The following ACKR5 variants were observed in gnomAD, a reference collection of about 807,000 sequenced individuals.
ACKR5 encodes atypical chemokine receptor 5, also known as G protein-coupled receptor 182.
At chr12:56,996,637 G>A in the ACKR5 span, 12 of 503,828 alleles carry the variant, frequency 2.4e-5, no homozygotes, top group Non-Finnish European at 3.2e-5. Context: ...TTGTGTCTAA[G>A]GAGCAATGCA....
At chr12:56,998,617 G>A in the ACKR5 span, among the ~76,000 whole-genome samples, 1 of 152,204 alleles carries the variant, frequency 6.6e-6, no homozygotes, top group African/African-American at 2.4e-5. Context: ...TCCTCTCAGG[G>A]ATACCCCCTG....
chr12:56,995,127 C>A, the ACKR5 span: 3 of 1,323,320 alleles, frequency 2.3e-6, no homozygotes, highest in African/African-American at 2.9e-5. The surrounding 1 kb of genome is among the most constrained non-coding windows in gnomAD (Gnocchi z 4.7). Context: ...TCCCTCTGGC[C>A]TCTACCTTGA....
chr12:56,996,508 G>A, the ACKR5 span: 4,156 of 1,248,794 alleles, frequency 3.3e-3, 97 homozygotes, highest in African/African-American at 0.051. Context: ...GTAGAGGGGA[G>A]GGTCAAAGCA....
chr12:56,996,280 C>G, the ACKR5 span: 5 of 1,614,066 alleles, frequency 3.1e-6, no homozygotes, highest in Admixed American at 5.0e-5. Flanking sequence ...CCTGTTCCAC[C>G]CAGCATTCCA....
At chr12:56,995,715 T>G in the ACKR5 span, 32 of 1,613,542 alleles carry the variant, frequency 2.0e-5, no homozygotes, top group Non-Finnish European at 2.6e-5. This position sits in a 1 kb window ranked among gnomAD's most constrained non-coding sequence, Gnocchi z 4.7. Context: ...CAGCACCGAG[T>G]GCGGCGGGCC....
chr12:56,997,595 T>C, the ACKR5 span: 1 of 152,224 alleles, frequency 6.6e-6, no homozygotes, highest in African/African-American at 2.4e-5. Context: ...ACTAGGACCC[T>C]GTCCATGAAG....
chr12:56,995,116 C>A, the ACKR5 span: 1 of 1,144,002 alleles, frequency 8.7e-7, no homozygotes, highest in Non-Finnish European at 1.3e-6. The surrounding 1 kb of genome is among the most constrained non-coding windows in gnomAD (Gnocchi z 4.7). Context: ...AAGCCCCCGA[C>A]TCCCTCTGGC....
chr12:56,995,440 C>A, the ACKR5 span: 2 of 1,614,228 alleles, frequency 1.2e-6, no homozygotes, highest in Non-Finnish European at 8.5e-7. This position sits in a 1 kb window ranked among gnomAD's most constrained non-coding sequence, Gnocchi z 4.7. Flanking sequence ...TGATATGCGT[C>A]AACTGGCGCG....
At chr12:56,994,988 C>T in the ACKR5 span, among the ~76,000 whole-genome samples, 2 of 152,108 alleles carry the variant, frequency 1.3e-5, no homozygotes, top group African/African-American at 2.4e-5. Context: ...CCAGCTGAAA[C>T]CCCTTAAGAA....
chr12:56,996,996 G>C, the ACKR5 span: 2 of 152,812 alleles, frequency 1.3e-5, 1 homozygote, highest in Middle Eastern at 6.8e-3. Context: ...GGCAGGGGTG[G>C]GGGCGAAGCC....
At chr12:56,998,572 C>T in the ACKR5 span, 1 of 152,248 alleles carries the variant, frequency 6.6e-6, no homozygotes, top group Non-Finnish European at 1.5e-5. Context: ...TAGACACGGG[C>T]AGGGACCCAC....
the ACKR5 span, chr12:56,996,746 G>A: frequency 3.4e-6 from 1 of 290,092 alleles, no homozygotes; most frequent in South Asian, 9.0e-5. Context: ...TGAGGCTAAA[G>A]AGGTGCTCGG....
At chr12:56,995,993 G>A in the ACKR5 span, 56 of 1,610,096 alleles carry the variant, frequency 3.5e-5, no homozygotes, top group South Asian at 7.7e-5. This position sits in a 1 kb window ranked among gnomAD's most constrained non-coding sequence, Gnocchi z 4.7. Context: ...GCTGCTGTGC[G>A]CCTACGTGGC....
the ACKR5 span, chr12:56,994,665 C>T: frequency 6.4e-6 from 1 of 156,512 alleles, no homozygotes; most frequent in Non-Finnish European, 1.4e-5. Flanking sequence ...GTCGCCCTCT[C>T]CCAGGGAAGA....
At chr12:56,995,461 G>A in the ACKR5 span, 340 of 1,614,210 alleles carry the variant, frequency 2.1e-4, 2 homozygotes, top group East Asian at 7.2e-3. This position sits in a 1 kb window ranked among gnomAD's most constrained non-coding sequence, Gnocchi z 4.7. Context: ...GCTCAGGCCG[G>A]GCAGGGCTGA....
chr12:56,997,963 C>CA, the ACKR5 span: 3 of 152,254 alleles, frequency 2.0e-5, no homozygotes, highest in African/African-American at 7.2e-5. Flanking sequence ...GACAGCTTCT[C>CA]AGTAGCACAG....
chr12:56,996,495 G>A, the ACKR5 span: 4 of 1,388,970 alleles, frequency 2.9e-6, no homozygotes, highest in Non-Finnish European at 3.9e-6. Context: ...GATTTGGGGG[G>A]ATGTAGAGGG....
the ACKR5 span, chr12:56,997,882 G>T: frequency 6.6e-6 from 1 of 152,220 alleles, no homozygotes; most frequent in Non-Finnish European, 1.5e-5. Flanking sequence ...ACCCAGGTTT[G>T]TCAGGAGCAT....
the ACKR5 span, chr12:56,995,924 G>C: frequency 6.2e-7 from 1 of 1,613,236 alleles, no homozygotes; most frequent in Non-Finnish European, 8.5e-7. The surrounding 1 kb of genome is among the most constrained non-coding windows in gnomAD (Gnocchi z 4.7). Context: ...AGTCTTCAAT[G>C]TGCTGACAGC....
Sources: allele counts gnomAD v4.1 joint callset (sites outside exome capture counted in the v4.1 genomes callset), GRCh38; gene constraint gnomAD v4.1.1; non-coding constraint Gnocchi (gnomAD v3.1); transcripts MANE v1.5; gene names NCBI Gene and HGNC (gene_info 2026-07-23, HGNC 2026-07-21).